The following GRIK1 variants were observed in gnomAD, a reference collection of about 807,000 sequenced individuals.
GRIK1 encodes the protein glutamate ionotropic receptor kainate type subunit 1.
Under a neutral mutation model 105.7 loss-of-function variants are expected in GRIK1, and 69 were observed. The observed-to-expected ratio is 0.65, with a 90% CI of 0.54 to 0.80. The LOEUF (loss-of-function observed/expected upper bound fraction) is 0.80. GRIK1 is among the 30% of genes least tolerant of loss of function. The probability of loss-of-function intolerance (pLI) is 0.00; values close to 1 mark genes in which losing one functional copy is unlikely to be tolerated. For missense variants in GRIK1, 1,109 were observed against 1,167.3 expected, an observed-to-expected ratio of 0.95 and a Z score of 0.73; for synonymous variants, 438 against 431.3, an observed-to-expected ratio of 1.02 and a Z score of -0.19.
At chr21:29,937,557 T>C (rs2071807761) in intron 1 of GRIK1, among the ~76,000 whole-genome samples, 1 of 152,226 alleles carries the variant, frequency 6.6e-6, no homozygotes, top group Non-Finnish European at 1.5e-5. Flanking sequence ...AAATATGTCT[T>C]AAAGCATCCT....
At chr21:29,690,050 G>T in intron 2 of GRIK1, 65 bp from the exon 3 acceptor site, 2 of 1,288,346 alleles carry the variant, frequency 1.6e-6, no homozygotes, top group Non-Finnish European at 2.2e-6. Flanking sequence ...GAAAAAGAGA[G>T]TTCTATGAAT....
chr21:29,651,424 C>T lies in GRIK1; in HGVS notation c.781-133G>A, dbSNP rs569460315. On this transcript the variant is annotated intron_variant, in intron 5 of 17. Transcript: ENST00000327783. ...TCTGTGGTTTTGTGGTTCATGGTTT[C>T]AGTTACCTGCGGTCAACCACAGTTG... 162 of 614,624 alleles carry T rather than the reference C, an allele frequency of 2.6e-4. 1 individual carries two copies. The South Asian group carries it at 3.9e-3, about 15-fold the overall frequency. 38.1% of individuals were successfully genotyped at this position (614,624 alleles called of 1,614,324 possible).
chr21:29,693,649 A>G (rs1383237225), intron 2 of GRIK1, among the ~76,000 whole-genome samples: 3 of 152,154 alleles, frequency 2.0e-5, no homozygotes, highest in Non-Finnish European at 4.4e-5. Flanking sequence ...TTCACAGCTG[A>G]GCTAGTTAAT....
At chr21:29,671,489 G>A (rs1259646582) in intron 4 of GRIK1, among the ~76,000 whole-genome samples, 1 of 151,490 alleles carries the variant, frequency 6.6e-6, no homozygotes, top group Admixed American at 6.6e-5. Flanking sequence ...TTCAGTGCAA[G>A]TAAAAACTCA....
chr21:29,752,857 T>C (rs1041621819), intron 1 of GRIK1, among the ~76,000 whole-genome samples: 3 of 152,136 alleles, frequency 2.0e-5, no homozygotes, highest in African/African-American at 7.2e-5. Flanking sequence ...AAAAAGTATA[T>C]GTAAGTAGTG....
chr21:29,741,414 AGTAAATGTGG>A (rs1569036373), intron 1 of GRIK1, among the ~76,000 whole-genome samples: 1 of 152,170 alleles, frequency 6.6e-6, no homozygotes, highest in Non-Finnish European at 1.5e-5. Flanking sequence ...ACAAACTGTG[AGTAAATGTGG>A]GTGATGGTGG....
At chr21:29,806,376 C>A (rs774300534) in intron 1 of GRIK1, among the ~76,000 whole-genome samples, 2 of 151,510 alleles carry the variant, frequency 1.3e-5, no homozygotes, top group South Asian at 2.1e-4. Context: ...TCTCTCAATA[C>A]AAAACCCTAC....
chr21:29,909,245 G>C (rs773051847), intron 1 of GRIK1, among the ~76,000 whole-genome samples: 96 of 151,850 alleles, frequency 6.3e-4, no homozygotes, highest in Middle Eastern at 3.2e-3. Context: ...AAAGATAAAT[G>C]TTTAAAGACT....
intron 1 of GRIK1, among the ~76,000 whole-genome samples, chr21:29,883,321 G>C (rs923857673): frequency 1.3e-5 from 2 of 152,034 alleles, no homozygotes; most frequent in Non-Finnish European, 2.9e-5. Flanking sequence ...ATAGAGGCTG[G>C]TGAGTCAAAT....
intron 1 of GRIK1, among the ~76,000 whole-genome samples, chr21:29,805,068 T>C (rs2066827533): frequency 6.6e-6 from 1 of 152,124 alleles, no homozygotes; most frequent in South Asian, 2.1e-4. Context: ...TTTCTAGATT[T>C]TGTGGGGATA....
chr21:29,666,872 T>TAAAAG (rs1348562555), intron 4 of GRIK1, among the ~76,000 whole-genome samples: 1 of 152,222 alleles, frequency 6.6e-6, no homozygotes, highest in African/African-American at 2.4e-5. Flanking sequence ...ACATTTTTTT[T>TAAAAG]CCTTTCAAAG....
chr21:29,620,921 A>T lies in GRIK1; in HGVS notation c.1098+21905T>A, dbSNP rs145052262. On this transcript the variant is annotated intron_variant, in intron 7 of 17. Transcript: ENST00000327783. ...ATATCATATATGTAATTAATTCTAT[A>T]TTCTATATATGCTCTCTGTATATAT... Among the ~76,000 whole-genome samples the T allele has an allele frequency of 1.6e-3, 242 of 148,944 alleles. 1 individual carries two copies. Among genetic ancestry groups the T allele is most frequent in the African/African-American group, 5.6e-3 (229 of 40,918 alleles).
intron 1 of GRIK1, among the ~76,000 whole-genome samples, chr21:29,812,451 T>C (rs915536795): frequency 6.6e-6 from 1 of 152,160 alleles, no homozygotes; most frequent in Non-Finnish European, 1.5e-5. Context: ...TGTTCTTTTT[T>C]TAAAAACCTT....
chr21:29,795,306 G>A (rs1182502076), intron 1 of GRIK1, among the ~76,000 whole-genome samples: 5 of 151,994 alleles, frequency 3.3e-5, no homozygotes, highest in Admixed American at 2.6e-4. Flanking sequence ...AAAATGCTAG[G>A]ATTACAGGCA....
chr21:29,833,900 C>T lies in GRIK1; in HGVS notation c.118+105483G>A, dbSNP rs1601811162. On this transcript the variant is annotated intron_variant, in intron 1 of 17. Transcript: ENST00000327783. Reference sequence around the variant, plus strand: ...CTCCATGCTTTCACAGCACCATGAACTTCTCCATGGCATTTATGGCAGCCC... The same window carrying T: ...CTCCATGCTTTCACAGCACCATGAATTTCTCCATGGCATTTATGGCAGCCC... Among the ~76,000 whole-genome samples the T allele has an allele frequency of 2.0e-5, 3 of 152,316 alleles. No individual in the cohort carries two copies. In the East Asian group the frequency reaches 5.8e-4, roughly 29 times the overall value.
At chr21:29,643,082 A>G in intron 6 of GRIK1, 113 bp from the exon 7 acceptor site, 2 of 1,010,240 alleles carry the variant, frequency 2.0e-6, no homozygotes, top group Non-Finnish European at 3.0e-6. Context: ...CTCAAAGGCC[A>G]TTTACTCTTC....
chr21:29,600,015 G>A (rs2061490071), intron 7 of GRIK1, among the ~76,000 whole-genome samples: 1 of 152,138 alleles, frequency 6.6e-6, no homozygotes, highest in African/African-American at 2.4e-5. Context: ...GAACCCCAGA[G>A]GCAGAGGTTG....
At chr21:29,732,591 A>G (rs1601553882) in intron 1 of GRIK1, among the ~76,000 whole-genome samples, 1 of 152,222 alleles carries the variant, frequency 6.6e-6, no homozygotes, top group Non-Finnish European at 1.5e-5. Context: ...GTTAAATATC[A>G]TAAATATCAC....
chr21:29,814,094 A>AAATAAT (rs199724320), intron 1 of GRIK1, among the ~76,000 whole-genome samples: 2 of 145,556 alleles, frequency 1.4e-5, no homozygotes, highest in African/African-American at 5.0e-5. Context: ...TATATATATA[A>AAATAAT]AATAATAATA....
Sources: allele counts gnomAD v4.1 joint callset (sites outside exome capture counted in the v4.1 genomes callset), GRCh38; gene constraint gnomAD v4.1.1; transcripts MANE v1.5; gene names NCBI Gene and HGNC (gene_info 2026-07-23, HGNC 2026-07-21).